Variants in KCNU1 observed in about 807,000 individuals in gnomAD.
KCNU1 encodes potassium channel subfamily U member 1.
KCNU1 carries 93 observed loss-of-function variants against 126.8 expected under a neutral mutation model. That is an observed-to-expected ratio of 0.73 (90% confidence interval 0.62 to 0.87). The LOEUF (loss-of-function observed/expected upper bound fraction) is 0.87, where lower values mean the gene tolerates loss of function less well. Ranked by LOEUF, KCNU1 falls within the 40% of genes least tolerant of loss-of-function variation. The pLI is 0.00. For missense variants in KCNU1, 1,330 were observed against 1,367.1 expected (o/e 0.97, Z 0.43); for synonymous variants, 523 against 494.2 (o/e 1.06, Z -0.77).
At chr8:36,785,834 A>G (rs757984141) in intron 1 of KCNU1, among the ~76,000 whole-genome samples, 2 of 152,180 alleles carry the variant, frequency 1.3e-5, no homozygotes, top group Admixed American at 6.5e-5. Flanking sequence ...CAAAAATGTG[A>G]CAGTACATTT....
At chr8:36,910,292 A>C (rs1807815377) in intron 21 of KCNU1, among the ~76,000 whole-genome samples, 1 of 152,362 alleles carries the variant, frequency 6.6e-6, no homozygotes, top group South Asian at 2.1e-4. Flanking sequence ...TATCTCAAGA[A>C]GCAAATTGCA....
chr8:36,818,544 G>T (rs1457981267), intron 10 of KCNU1, among the ~76,000 whole-genome samples: 5 of 152,070 alleles, frequency 3.3e-5, no homozygotes, highest in African/African-American at 1.2e-4. Context: ...ATGCACTCCA[G>T]TCAGCTCATT....
intron 10 of KCNU1, among the ~76,000 whole-genome samples, chr8:36,831,154 G>A (rs376808751): frequency 6.6e-5 from 10 of 151,826 alleles, no homozygotes; most frequent in South Asian, 2.1e-4. Flanking sequence ...AATCCAGTCT[G>A]TCATTGTTGG....
At chr8:36,831,538 T>G (rs1804546897) in intron 10 of KCNU1, among the ~76,000 whole-genome samples, 1 of 151,852 alleles carries the variant, frequency 6.6e-6, no homozygotes, top group African/African-American at 2.4e-5. Context: ...CATGTGTTTT[T>G]TGGCTGCATA....
intron 9 of KCNU1, 68 bp from the exon 10 acceptor site, chr8:36,817,582 C>G (rs903636866): frequency 1.8e-4 from 121 of 677,046 alleles, no homozygotes; most frequent in Non-Finnish European, 2.7e-4. Context: ...AATTATTTAT[C>G]TCTAAATGCT....
chr8:36,882,354 A>G (rs765160191), intron 19 of KCNU1, among the ~76,000 whole-genome samples: 1 of 152,184 alleles, frequency 6.6e-6, no homozygotes, highest in Non-Finnish European at 1.5e-5. Context: ...TTCTGTCCTT[A>G]ACCCAGAGAC....
chr8:36,836,642 C>T, intron 13 of KCNU1, 151 bp from the exon 14 acceptor site: 1 of 712,384 alleles, frequency 1.4e-6, no homozygotes, highest in Non-Finnish European at 2.3e-6. Context: ...TTGTTCTTAT[C>T]ATTTTCATTG....
intron 18 of KCNU1, among the ~76,000 whole-genome samples, chr8:36,857,500 T>G (rs752829191): frequency 2.6e-5 from 4 of 152,202 alleles, no homozygotes; most frequent in African/African-American, 4.8e-5. Context: ...CAACTGGGTT[T>G]GGAGGAAAGG....
rs768474914 is a variant in KCNU1, at chr8:36,864,411, G to C, written c.1899G>C (p.Ser633=). The change falls in exon 19 of 27, where the codon TCG becomes TCC. Residue 633 remains serine (S), a synonymous_variant. Coordinates refer to ENST00000399881, the MANE Select transcript of KCNU1 (RefSeq NM_001031836.3). ...SRSRQHITVP[S]VKRMKKCLKG... is the part of the protein sequence containing the mutation. ...ATTTCTATCCTATTGCAGTGCCATCGGTAAAGAGAATGAAAAAATGTCTGA... is the reference window on the plus strand; with the variant it reads ...ATTTCTATCCTATTGCAGTGCCATCCGTAAAGAGAATGAAAAAATGTCTGA... The C allele has an allele frequency of 6.3e-7, 1 of 1,590,644 alleles. No individual in the cohort carries two copies. Among genetic ancestry groups the C allele is most frequent in the Non-Finnish European group, 8.6e-7 (1 of 1,159,144 alleles).
At position 36,888,407 on chromosome 8, in the gene KCNU1, C is replaced by A. The variant is rs1280390073; in HGVS notation, c.2010-17301C>A. On this transcript the variant is annotated intron_variant, in intron 19 of 26. Coordinates refer to ENST00000399881, the MANE Select transcript of KCNU1 (RefSeq NM_001031836.3). ...CTCCTCCCTCCCCCACAACACCACT[C>A]TGGCTGCACCGTGCTCTGAACTCCA... is the stretch of plus-strand genomic sequence containing the variant. 1.3e-4 allele frequency: 49 copies of A among 376,656 alleles called. No individual in the cohort carries two copies. The Admixed American group carries it at 1.8e-3, about 14-fold the overall frequency. The allele number at this position is 376,656 out of a possible 1,614,324, so 23.3% of individuals were successfully genotyped here.
rs146123375 is a variant in KCNU1 at position 36,859,572 on chromosome 8, C to T, written c.1892-4832C>T. 2.6e-3 allele frequency among the ~76,000 whole-genome samples: 394 copies of T among 152,326 alleles called. 5 individuals are homozygous for T. Among genetic ancestry groups the T allele is most frequent in the Non-Finnish European group, 3.1e-3 (211 of 68,032 alleles). ...AATCATCTCCAAAGAGGGGAATTCTCAGTGTCTATGGCCCTTTTCAACTCT... is the reference window on the plus strand; with the variant it reads ...AATCATCTCCAAAGAGGGGAATTCTTAGTGTCTATGGCCCTTTTCAACTCT... On this transcript the variant is annotated intron_variant, in intron 18 of 26. Transcript: ENST00000399881.
chr8:36,930,189 A>T (rs931880653), intron 24 of KCNU1, among the ~76,000 whole-genome samples: 1 of 152,152 alleles, frequency 6.6e-6, no homozygotes, highest in Non-Finnish European at 1.5e-5. Context: ...AGTGGGTAAT[A>T]TATTCCAATG....
chr8:36,828,614 G>C (rs1353875759), intron 10 of KCNU1, among the ~76,000 whole-genome samples: 1 of 152,032 alleles, frequency 6.6e-6, no homozygotes, highest in Non-Finnish European at 1.5e-5. Context: ...GTTCTTGTTA[G>C]TGATATTCAT....
intron 2 of KCNU1, among the ~76,000 whole-genome samples, chr8:36,796,967 A>G (rs976900654): frequency 1.3e-5 from 2 of 152,186 alleles, no homozygotes; most frequent in African/African-American, 4.8e-5. Context: ...GCTTAAACAA[A>G]CAAATGGGAG....
chr8:36,879,755 C>A (rs1025562711), intron 19 of KCNU1, among the ~76,000 whole-genome samples: 1 of 152,176 alleles, frequency 6.6e-6, no homozygotes, highest in African/African-American at 2.4e-5. Context: ...ATTTACCTGG[C>A]AACTGTAATA....
Position 36,936,014 on chromosome 8 carries a change from T to G in KCNU1, c.*94T>G, listed in dbSNP as rs1339202790. The stretch of plus-strand genomic sequence containing the variant: ...AACAAAGAAAATAAGAATGGAAGCA[T>G]GCCATTTTTCTGCCCATTGCTTAGT... On this transcript the variant is annotated 3_prime_UTR_variant, in exon 27 of 27. Coordinates refer to ENST00000399881, the MANE Select transcript of KCNU1 (RefSeq NM_001031836.3). 8.0e-7 allele frequency: 1 copy of G among 1,252,548 alleles called. No homozygotes were observed. Among genetic ancestry groups the G allele is most frequent in the African/African-American group, 1.5e-5 (1 of 66,570 alleles). 77.6% of individuals were successfully genotyped at this position (1,252,548 alleles called of 1,614,324 possible). A position where few individuals can be genotyped will look rare whatever the true frequency, so the allele number is the denominator to read the frequency against.
chr8:36,923,467 A>C (rs777886523), intron 24 of KCNU1, among the ~76,000 whole-genome samples: 1 of 152,186 alleles, frequency 6.6e-6, no homozygotes, highest in Non-Finnish European at 1.5e-5. Flanking sequence ...AGAAGGCAGC[A>C]TGTGACCCCA....
At chr8:36,813,681 A>G (rs1412577109) in intron 7 of KCNU1, among the ~76,000 whole-genome samples, 1 of 151,866 alleles carries the variant, frequency 6.6e-6, no homozygotes, top group Non-Finnish European at 1.5e-5. Context: ...TAAAAAAAAA[A>G]TCACTGAAAA....
chr8:36,873,466 A>G (rs1806175215), intron 19 of KCNU1, among the ~76,000 whole-genome samples: 1 of 152,210 alleles, frequency 6.6e-6, no homozygotes, highest in Non-Finnish European at 1.5e-5. Context: ...AACACAATAT[A>G]TTATTGGCTT....
Sources: allele counts gnomAD v4.1 joint callset (sites outside exome capture counted in the v4.1 genomes callset), GRCh38; gene constraint gnomAD v4.1.1; transcripts MANE v1.5; gene names NCBI Gene and HGNC (gene_info 2026-07-23, HGNC 2026-07-21).